The following VPS13B variants were observed in gnomAD, a reference collection of about 807,000 sequenced individuals.
VPS13B encodes the protein intermembrane lipid transfer protein VPS13B.
Under a neutral mutation model 426.4 loss-of-function variants are expected in VPS13B, and 285 were observed. The observed-to-expected ratio is 0.67, with a 90% CI of 0.61 to 0.74. The LOEUF (loss-of-function observed/expected upper bound fraction) is 0.74. VPS13B is among the 30% of genes least tolerant of loss of function. The pLI, the probability that VPS13B is intolerant of heterozygous loss-of-function variation, is 0.00. For synonymous variants in VPS13B, 1,676 were observed against 1,676.4 expected (o/e 1.00, Z 0.01); for missense variants, 4,537 against 4,782.6 (o/e 0.95, Z 1.51).
chr8:99,124,735 A>C (rs1309310208), intron 8 of VPS13B, among the ~76,000 whole-genome samples: 1 of 151,804 alleles, frequency 6.6e-6, no homozygotes, highest in Admixed American at 6.6e-5. Flanking sequence ...AAATACAAAA[A>C]GCTGGGTGTG....
chr8:99,193,070 T>G lies in VPS13B; in HGVS notation c.2515+13T>G, dbSNP rs1239135962. On this transcript the variant is annotated intron_variant, in intron 17 of 61. Coordinates refer to ENST00000357162, the MANE Select transcript of VPS13B (RefSeq NM_152564.5). ...TTCCTAAGTATAGGTAAGAGCACAG[T>G]CTTTTTGATAACTATATGGAAAATT... The G allele has an allele frequency of 6.2e-7, 1 of 1,612,888 alleles. No homozygotes were observed. The highest frequency in any genetic ancestry group is 1.7e-5 in the Admixed American group (1 of 60,004).
chr8:99,052,507 C>T (rs1261799207), intron 3 of VPS13B, among the ~76,000 whole-genome samples: 3 of 127,432 alleles, frequency 2.4e-5, no homozygotes, highest in South Asian at 3.1e-4. Flanking sequence ...TGTATTGTGT[C>T]TCTGCCAGAC....
At chr8:99,423,856 T>C (rs556537594) in intron 21 of VPS13B, among the ~76,000 whole-genome samples, 5 of 152,228 alleles carry the variant, frequency 3.3e-5, no homozygotes, top group South Asian at 2.1e-4. Flanking sequence ...GGAATAGGTG[T>C]GGTGTGGTGT....
intron 16 of VPS13B, among the ~76,000 whole-genome samples, chr8:99,183,760 A>G (rs970358827): frequency 1.1e-4 from 16 of 152,156 alleles, no homozygotes; most frequent in Non-Finnish European, 8.8e-5. Context: ...TTAAAAAATG[A>G]CTATATTGAG....
chr8:99,374,043 A>G (rs1035440904), intron 19 of VPS13B, among the ~76,000 whole-genome samples: 2 of 152,182 alleles, frequency 1.3e-5, no homozygotes, highest in African/African-American at 4.8e-5. Flanking sequence ...GACATTTTCA[A>G]TGGGTATAGA....
chr8:99,244,866 A>T (rs1433579995), intron 17 of VPS13B, among the ~76,000 whole-genome samples: 26 of 152,196 alleles, frequency 1.7e-4, no homozygotes, highest in Admixed American at 1.7e-3. Context: ...GAAGATAGAC[A>T]CACACAAAGT....
intron 17 of VPS13B, among the ~76,000 whole-genome samples, chr8:99,195,123 G>C (rs1813840431): frequency 6.6e-6 from 1 of 152,158 alleles, no homozygotes; most frequent in African/African-American, 2.4e-5. Flanking sequence ...GGGATTATAG[G>C]CGTGAAGGTT....
At chr8:99,425,517 C>G (rs1048108006) in intron 21 of VPS13B, among the ~76,000 whole-genome samples, 1 of 152,038 alleles carries the variant, frequency 6.6e-6, no homozygotes, top group African/African-American at 2.4e-5. Context: ...ATTCAACAGC[C>G]CTTCATACTA....
chr8:99,564,976 T>A (rs1825113683), intron 31 of VPS13B, among the ~76,000 whole-genome samples: 1 of 152,250 alleles, frequency 6.6e-6, no homozygotes. Flanking sequence ...TTTTATAATC[T>A]GAGGAAATGT....
intron 3 of VPS13B, among the ~76,000 whole-genome samples, chr8:99,068,362 GTA>G (rs1844657835): frequency 6.6e-6 from 1 of 152,160 alleles, no homozygotes; most frequent in Non-Finnish European, 1.5e-5. Flanking sequence ...TATAAGTTGT[GTA>G]GTTTATTCTG....
intron 55 of VPS13B, among the ~76,000 whole-genome samples, chr8:99,852,083 A>G (rs1467732182): frequency 6.6e-6 from 1 of 152,200 alleles, no homozygotes; most frequent in Non-Finnish European, 1.5e-5. Flanking sequence ...TAATACATTG[A>G]GTAATGGCTA....
At chr8:99,700,648 G>A (rs770577415) in intron 36 of VPS13B, among the ~76,000 whole-genome samples, 1 of 152,214 alleles carries the variant, frequency 6.6e-6, no homozygotes, top group Non-Finnish European at 1.5e-5. Flanking sequence ...GAGGATATGT[G>A]AGAAATCAAC....
chr8:99,034,682 G>A (rs993604999), intron 2 of VPS13B, among the ~76,000 whole-genome samples: 1 of 152,088 alleles, frequency 6.6e-6, no homozygotes, highest in African/African-American at 2.4e-5. Context: ...TTTTGGGCTG[G>A]TTTGCTGTTT....
chr8:99,344,406 T>C (rs1811419820), intron 19 of VPS13B, among the ~76,000 whole-genome samples: 1 of 152,178 alleles, frequency 6.6e-6, no homozygotes, highest in Admixed American at 6.5e-5. Flanking sequence ...GTATATTGTT[T>C]CCTTATTGAT....
chr8:99,137,687 G>T (rs1459152013), intron 12 of VPS13B, among the ~76,000 whole-genome samples: 7 of 152,072 alleles, frequency 4.6e-5, no homozygotes, highest in Non-Finnish European at 4.4e-5. Flanking sequence ...GTTTTCATTG[G>T]TCAATCCTTA....
chr8:99,261,060 A>G (rs1208979439), intron 17 of VPS13B, among the ~76,000 whole-genome samples: 3 of 152,048 alleles, frequency 2.0e-5, no homozygotes, highest in Middle Eastern at 3.4e-3. Flanking sequence ...TCTCTCCCCT[A>G]TTATCAATAT....
chr8:99,051,087 A>G (rs901310399), intron 3 of VPS13B, among the ~76,000 whole-genome samples: 8 of 152,136 alleles, frequency 5.3e-5, no homozygotes, highest in African/African-American at 1.9e-4. Context: ...TTGGTGTTTT[A>G]GACATGAAGT....
intron 6 of VPS13B, among the ~76,000 whole-genome samples, chr8:99,115,360 T>G (rs1249481652): frequency 6.6e-6 from 1 of 152,106 alleles, no homozygotes; most frequent in African/African-American, 2.4e-5. Context: ...ATACTGTTAT[T>G]CTCTTAATGT....
At chr8:99,057,392 T>A (rs1843938250) in intron 3 of VPS13B, among the ~76,000 whole-genome samples, 3 of 152,088 alleles carry the variant, frequency 2.0e-5, no homozygotes. Flanking sequence ...ATACTTGTCA[T>A]CTCTTTCCAA....
Sources: allele counts gnomAD v4.1 joint callset (sites outside exome capture counted in the v4.1 genomes callset), GRCh38; gene constraint gnomAD v4.1.1; transcripts MANE v1.5; gene names NCBI Gene and HGNC (gene_info 2026-07-23, HGNC 2026-07-21).